CCDC88A: variants seen among roughly 807,000 people sequenced by gnomAD.
The protein encoded by CCDC88A is coiled-coil and HOOK domain protein 88A.
In CCDC88A, 54 loss-of-function variants were observed where a neutral mutation model predicts 234.3. The observed-to-expected ratio is 0.23, with a 90% CI of 0.19 to 0.29. CCDC88A has a LOEUF of 0.29. Ranked by LOEUF, CCDC88A falls within the 10% of genes least tolerant of loss-of-function variation. The probability of loss-of-function intolerance (pLI) is 1.00; values close to 1 mark genes in which losing one functional copy is unlikely to be tolerated. For missense variants in CCDC88A, 1,832 were observed against 2,123.4 expected, an observed-to-expected ratio of 0.86 and a Z score of 2.70; for synonymous variants, 753 against 737.8, an observed-to-expected ratio of 1.02 and a Z score of -0.33.
intron 2 of CCDC88A, among the ~76,000 whole-genome samples, chr2:55,397,661 C>G (rs1382729568): frequency 6.6e-6 from 1 of 151,804 alleles, no homozygotes; most frequent in African/African-American, 2.4e-5. Context: ...GAGTTGTTGT[C>G]AAGTTTGTTT....
At position 55,318,888 on chromosome 2, in the gene CCDC88A, T is replaced by C. The variant is rs1374641715; in HGVS notation, c.3279A>G (p.Leu1093=). 8.1e-6 allele frequency: 13 copies of C among 1,612,952 alleles called. No homozygotes were observed. Among genetic ancestry groups the C allele is most frequent in the Non-Finnish European group, 1.1e-5 (13 of 1,179,234 alleles). Residue 1093 remains leucine (L), a synonymous_variant, in exon 19 of 33, where the codon TTA becomes TTG. Transcript: ENST00000436346. ...TTTGAAGAGTGGTATTCTGTTCTTG[T>C]AATGACACTGTCTGCCTCTGAAGTG... The part of the protein sequence containing the change: ...ILALQRQTVS[L]QEQNTTLQTQ...
chr2:55,291,537 A>T lies in CCDC88A; in HGVS notation c.*35+139T>A. 3 of 420,222 alleles carry T rather than the reference A, an allele frequency of 7.1e-6. No individual in the cohort carries two copies. The Admixed American group carries it at 1.3e-4, about 18-fold the overall frequency. The allele number at this position is 420,222 out of a possible 1,614,324, so 26.0% of individuals were successfully genotyped here. A position where few individuals can be genotyped will look rare whatever the true frequency, so the allele number is the denominator to read the frequency against. Reference sequence around the variant, plus strand: ...GGCAGCCAACTAATCTTGCTTCACTAGTAAGTAGAACAGAAAGTCAATGAA... The same window carrying T: ...GGCAGCCAACTAATCTTGCTTCACTTGTAAGTAGAACAGAAAGTCAATGAA... On this transcript the variant is annotated intron_variant, in intron 32 of 32. Coordinates refer to ENST00000436346, the MANE Select transcript of CCDC88A (RefSeq NM_001365480.1).
At chr2:55,302,602 C>A in intron 26 of CCDC88A, 1 of 159,128 alleles carries the variant, frequency 6.3e-6, no homozygotes, top group Non-Finnish European at 1.4e-5. Context: ...ACTACCCATG[C>A]CACATAAAAA....
chr2:55,356,744 A>C (rs1670638290), intron 7 of CCDC88A: 1 of 152,204 alleles, frequency 6.6e-6, no homozygotes, highest in South Asian at 2.1e-4. Flanking sequence ...AGCCTGACCA[A>C]CATGGTGAAA....
At chr2:55,315,069 T>C (rs1299106166) in intron 22 of CCDC88A, 1 of 152,304 alleles carries the variant, frequency 6.6e-6, no homozygotes, top group Non-Finnish European at 1.5e-5. Flanking sequence ...GAAGACCCAC[T>C]GAGGCTGACT....
intron 12 of CCDC88A, among the ~76,000 whole-genome samples, chr2:55,342,419 T>A (rs548154629): frequency 6.6e-6 from 1 of 152,274 alleles, no homozygotes; most frequent in East Asian, 1.9e-4. Context: ...CCAGGCACTA[T>A]TTAAGGGCCT....
At chr2:55,297,445 G>C (rs1183924401) in intron 29 of CCDC88A, among the ~76,000 whole-genome samples, 7 of 94,612 alleles carry the variant, frequency 7.4e-5, no homozygotes, top group Non-Finnish European at 6.6e-5. Context: ...GGGTCTCACT[G>C]TGTCACCCAG....
At chr2:55,398,917 T>C (rs1678100039) in intron 2 of CCDC88A, among the ~76,000 whole-genome samples, 1 of 149,800 alleles carries the variant, frequency 6.7e-6, no homozygotes, top group African/African-American at 2.4e-5. Flanking sequence ...CCATGAAAAA[T>C]GGTTGACTCT....
intron 3 of CCDC88A, among the ~76,000 whole-genome samples, chr2:55,375,438 A>T (rs1673471236): frequency 1.4e-5 from 2 of 147,600 alleles, no homozygotes; most frequent in African/African-American, 5.0e-5. Context: ...GAAACTAAAA[A>T]TACATCAAAT....
chr2:55,390,050 T>A (rs13430382), intron 2 of CCDC88A, among the ~76,000 whole-genome samples: 80,267 of 96,356 alleles, frequency 0.83, 34,885 homozygotes, highest in Non-Finnish European at 0.9. Context: ...AAAAAAAAAA[T>A]AAAAAATAAA....
chr2:55,300,088 T>A lies in CCDC88A; in HGVS notation c.4745-169A>T, dbSNP rs150663848. 4.6e-4 allele frequency: 265 copies of A among 574,738 alleles called. No homozygotes were observed. The East Asian group carries it at 7.7e-3, about 17-fold the overall frequency. 35.6% of individuals were successfully genotyped at this position (574,738 alleles called of 1,614,324 possible). A position where few individuals can be genotyped will look rare whatever the true frequency, so the allele number is the denominator to read the frequency against. On this transcript the variant is annotated intron_variant, in intron 28 of 32. Transcript: ENST00000436346. ...TTCCAGATAGTTCATTGAGACACTT[T>A]AGAATAGGACACTTCTGAAACAATA... is the stretch of plus-strand genomic sequence containing the variant.
intron 2 of CCDC88A, among the ~76,000 whole-genome samples, chr2:55,414,928 G>A (rs1207388633): frequency 1.3e-5 from 2 of 151,856 alleles, no homozygotes; most frequent in African/African-American, 2.4e-5. Flanking sequence ...TTAGCCAGGC[G>A]TGGTGGTGGG....
At chr2:55,359,740 G>A (rs1324531439) in intron 7 of CCDC88A, among the ~76,000 whole-genome samples, 1 of 151,252 alleles carries the variant, frequency 6.6e-6, no homozygotes, top group Non-Finnish European at 1.5e-5. Context: ...AACAATCTTT[G>A]GTTCTTTTTT....
chr2:55,315,797 C>G (rs1201049949), intron 22 of CCDC88A, 131 bp downstream of exon 22: 1 of 474,316 alleles, frequency 2.1e-6, no homozygotes, highest in East Asian at 3.2e-5. Flanking sequence ...TTCAGTGATC[C>G]TAGACCAAAT....
At chr2:55,388,725 T>C (rs1676115664) in intron 3 of CCDC88A, 53 bp downstream of exon 3, 2 of 720,066 alleles carry the variant, frequency 2.8e-6, no homozygotes, top group South Asian at 3.3e-5. Flanking sequence ...TACTAAATAA[T>C]ACAAAAATGT....
At chr2:55,415,709 T>C (rs996644147) in intron 2 of CCDC88A, among the ~76,000 whole-genome samples, 2 of 152,222 alleles carry the variant, frequency 1.3e-5, no homozygotes, top group Admixed American at 1.3e-4. Context: ...AATATAAGTG[T>C]GAGGAAACTA....
intron 1 of CCDC88A, 22 bp downstream of exon 1, chr2:55,418,995 C>A (rs746278940): frequency 7.5e-6 from 12 of 1,605,978 alleles, no homozygotes; most frequent in Non-Finnish European, 1.0e-5. Context: ...GCAAAATATA[C>A]AATAAAGGAC....
intron 2 of CCDC88A, among the ~76,000 whole-genome samples, chr2:55,398,447 A>G (rs1466620016): frequency 6.6e-6 from 1 of 152,208 alleles, no homozygotes; most frequent in Non-Finnish European, 1.5e-5. Context: ...ATGGATCTAG[A>G]AAGCAATAAA....
chr2:55,325,052 C>A (rs185285312), intron 17 of CCDC88A, among the ~76,000 whole-genome samples: 8 of 152,318 alleles, frequency 5.3e-5, no homozygotes, highest in African/African-American at 7.2e-5. Flanking sequence ...CCAATTTGCA[C>A]CAATATTTGA....
Sources: gnomAD v4.1 joint callset for allele counts (sites outside exome capture counted in the v4.1 genomes callset) on GRCh38, gnomAD v4.1.1 for gene constraint, MANE v1.5 for transcripts, NCBI Gene and HGNC (gene_info 2026-07-23, HGNC 2026-07-21) for gene names.